Variants in DYRK1A observed in about 807,000 individuals in gnomAD.
The protein encoded by DYRK1A is dual specificity tyrosine phosphorylation regulated kinase 1A.
DYRK1A carries 9 observed loss-of-function variants against 79.7 expected under a neutral mutation model. The observed-to-expected ratio is 0.11, with a 90% CI of 0.07 to 0.20. The LOEUF is 0.20. Ranked by LOEUF, DYRK1A falls within the 10% of genes least tolerant of loss-of-function variation. The pLI, the probability that DYRK1A is intolerant of heterozygous loss-of-function variation, is 1.00. For missense variants in DYRK1A, 622 were observed against 956.0 expected (o/e 0.65, Z 4.61); for synonymous variants, 349 against 329.7 (o/e 1.06, Z -0.63).
At chr21:37,479,619 G>GTTTTTGTTTTTGTTTTTTT (rs2052550822) in intron 4 of DYRK1A, among the ~76,000 whole-genome samples, 5 of 73,924 alleles carry the variant, frequency 6.8e-5, no homozygotes, top group East Asian at 1.3e-3. Flanking sequence ...TTTGTTTTTT[G>GTTTTTGTTTTTGTTTTTTT]TTTTTTTTTT....
rs557034547 is a variant in DYRK1A at position 37,395,733 on chromosome 21, A to G, written c.-76-24566A>G. 4.2e-4 allele frequency among the ~76,000 whole-genome samples: 64 copies of G among 152,288 alleles called. No individual in the cohort carries two copies. In the Middle Eastern group the frequency reaches 0.014, roughly 32 times the overall value. On this transcript the variant is annotated intron_variant, in intron 1 of 11. Transcript: ENST00000647188. ...TTTTGGCTATATTATTTTAATACTAAGATTTTACTTACATTTAATGGATTA... is the reference window on the plus strand; with the variant it reads ...TTTTGGCTATATTATTTTAATACTAGGATTTTACTTACATTTAATGGATTA...
chr21:37,495,152 T>TTGTGTGTG (rs56226706), intron 8 of DYRK1A, among the ~76,000 whole-genome samples: 52 of 137,730 alleles, frequency 3.8e-4, no homozygotes, highest in Non-Finnish European at 5.2e-4. Context: ...CTCTGGGATT[T>TTGTGTGTG]TGTGTGTGTG....
At chr21:37,404,597 A>G (rs907746696) in intron 1 of DYRK1A, among the ~76,000 whole-genome samples, 9 of 152,178 alleles carry the variant, frequency 5.9e-5, no homozygotes, top group African/African-American at 2.2e-4. Flanking sequence ...CATGCCCGCC[A>G]TGCTTTACTG....
chr21:37,444,710 A>G (rs2051213003), intron 2 of DYRK1A, among the ~76,000 whole-genome samples: 1 of 152,170 alleles, frequency 6.6e-6, no homozygotes, highest in Non-Finnish European at 1.5e-5. Flanking sequence ...GAAGTCAGGC[A>G]TTTGGTGGGT....
At chr21:37,456,834 G>A (rs549116742) in intron 2 of DYRK1A, among the ~76,000 whole-genome samples, 13 of 152,154 alleles carry the variant, frequency 8.5e-5, no homozygotes, top group African/African-American at 2.2e-4. Context: ...AGGGCATACC[G>A]GAACAAGTTG....
chr21:37,432,337 C>T (rs2050798221), intron 2 of DYRK1A, among the ~76,000 whole-genome samples: 1 of 152,082 alleles, frequency 6.6e-6, no homozygotes, highest in South Asian at 2.1e-4. Flanking sequence ...AGTTTATCTT[C>T]TAGCTTTATA....
chr21:37,449,286 C>T (rs1367590199), intron 2 of DYRK1A, among the ~76,000 whole-genome samples: 2 of 152,180 alleles, frequency 1.3e-5, no homozygotes, highest in Non-Finnish European at 2.9e-5. Flanking sequence ...CCTAATATTT[C>T]AGTGGTTTAA....
intron 2 of DYRK1A, among the ~76,000 whole-genome samples, chr21:37,461,122 T>TA (rs1601163488): frequency 6.6e-6 from 1 of 152,310 alleles, no homozygotes; most frequent in East Asian, 1.9e-4. Context: ...GTACAGTTCC[T>TA]AAAAAATGAT....
At chr21:37,464,062 A>G (rs1391742047) in intron 2 of DYRK1A, among the ~76,000 whole-genome samples, 4 of 152,250 alleles carry the variant, frequency 2.6e-5, no homozygotes, top group Non-Finnish European at 5.9e-5. Flanking sequence ...TAAGAATAAC[A>G]TTCAGATCTA....
chr21:37,411,374 C>T (rs936896966), intron 1 of DYRK1A, among the ~76,000 whole-genome samples: 10 of 147,674 alleles, frequency 6.8e-5, no homozygotes, highest in African/African-American at 2.0e-4. Context: ...CCCCCTCCCC[C>T]CCAAAAAATG....
chr21:37,442,919 C>T (rs1252245893), intron 2 of DYRK1A, among the ~76,000 whole-genome samples: 1 of 152,136 alleles, frequency 6.6e-6, no homozygotes, highest in African/African-American at 2.4e-5. Context: ...ACTGGGGCCT[C>T]ATACTCCAGG....
intron 2 of DYRK1A, among the ~76,000 whole-genome samples, chr21:37,436,084 G>A (rs1203670011): frequency 6.6e-6 from 1 of 152,150 alleles, no homozygotes; most frequent in East Asian, 1.9e-4. Context: ...ATATGGAAAA[G>A]TGCTGTAAGG....
intron 5 of DYRK1A, 30 bp downstream of exon 5, chr21:37,480,856 T>TAAGA: frequency 6.5e-7 from 1 of 1,539,686 alleles, no homozygotes; most frequent in Non-Finnish European, 8.8e-7. Flanking sequence ...TGAATTTCAT[T>TAAGA]AGTTAGAAAG....
At chr21:37,366,313 CT>C (rs1454164997), upstream of DYRK1A, 1 of 145,348 alleles carries the variant, frequency 6.9e-6, no homozygotes, top group Non-Finnish European at 1.5e-5. Flanking sequence ...GCGGGCGGGG[CT>C]GCGGGCGCCG....
At chr21:37,398,488 G>A (rs2049998766) in intron 1 of DYRK1A, among the ~76,000 whole-genome samples, 1 of 152,128 alleles carries the variant, frequency 6.6e-6, no homozygotes, top group Non-Finnish European at 1.5e-5. Flanking sequence ...AAAACCCTAG[G>A]CTTCTTGATT....
chr21:37,432,302 T>C (rs1385075072), intron 2 of DYRK1A, among the ~76,000 whole-genome samples: 1 of 152,210 alleles, frequency 6.6e-6, no homozygotes, highest in African/African-American at 2.4e-5. Flanking sequence ...TAAAAATTTA[T>C]GTCTGTAATC....
chr21:37,389,060 AAGAGATGGAGTCT>A (rs2049819700), intron 1 of DYRK1A, among the ~76,000 whole-genome samples: 2 of 151,106 alleles, frequency 1.3e-5, no homozygotes, highest in Non-Finnish European at 3.0e-5. Flanking sequence ...TTTTTTTTTT[AAGAGATGGAGTCT>A]TATTGTGTTG....
rs760576043 is a variant in DYRK1A, at chr21:37,512,066, TCACCACCACCAC to T, written c.1806_1817del (p.His607_His610del). ...ACCATGGTAACAGTTCCCATCACCATCACCACCACCACCACCATCACCACCACCATGGACAAC... is the reference window on the plus strand; with the variant it reads ...ACCATGGTAACAGTTCCCATCACCATCACCATCACCACCACCATGGACAAC... On this transcript the variant is annotated inframe_deletion, in exon 12 of 12. Transcript: ENST00000647188. The T allele has an allele frequency of 2.5e-6, 4 of 1,613,720 alleles. No homozygotes were observed. Among genetic ancestry groups the T allele is most frequent in the Non-Finnish European group, 2.5e-6 (3 of 1,179,918 alleles).
At chr21:37,423,860 T>C (rs1387209130) in intron 2 of DYRK1A, among the ~76,000 whole-genome samples, 1 of 152,182 alleles carries the variant, frequency 6.6e-6, no homozygotes, top group African/African-American at 2.4e-5. Flanking sequence ...TTCTTATGCA[T>C]ACACTATATA....
Sources: gnomAD v4.1 joint callset for allele counts (sites outside exome capture counted in the v4.1 genomes callset) on GRCh38, gnomAD v4.1.1 for gene constraint, MANE v1.5 for transcripts, NCBI Gene and HGNC (gene_info 2026-07-23, HGNC 2026-07-21) for gene names.